Variants in NF1 observed in about 807,000 individuals in gnomAD.
The protein encoded by NF1 is neurofibromin.
Under a neutral mutation model 325.7 loss-of-function variants are expected in NF1, and 122 were observed. That is an observed-to-expected ratio of 0.37 (90% CI 0.32 to 0.44). The LOEUF (loss-of-function observed/expected upper bound fraction) is 0.44. NF1 is among the 20% of genes least tolerant of loss of function. The probability of loss-of-function intolerance (pLI) is 1.00; values close to 1 mark genes in which losing one functional copy is unlikely to be tolerated. For missense variants in NF1, 2,140 were observed against 3,415.4 expected, an observed-to-expected ratio of 0.63 and a Z score of 9.31; for synonymous variants, 1,091 against 1,186.0, an observed-to-expected ratio of 0.92 and a Z score of 1.65.
intron 1 of NF1, among the ~76,000 whole-genome samples, chr17:31,111,850 A>G (rs1490437578): frequency 1.1e-4 from 17 of 152,120 alleles, no homozygotes; most frequent in Admixed American, 1.1e-3. Context: ...GAGTAAATAG[A>G]CAAGACCTAT....
At chr17:31,246,830 A>G (rs1462470129) in intron 29 of NF1, among the ~76,000 whole-genome samples, 1 of 152,188 alleles carries the variant, frequency 6.6e-6, no homozygotes, top group East Asian at 1.9e-4. Context: ...TGAAATTTAA[A>G]CCTAGTAAGT....
intron 36 of NF1, among the ~76,000 whole-genome samples, chr17:31,316,445 G>T (rs945641944): frequency 2.0e-4 from 31 of 152,086 alleles, no homozygotes; most frequent in African/African-American, 7.0e-4. Context: ...TATCCTTGTG[G>T]TAGAAGCTCT....
At chr17:31,148,824 GTTTA>G (rs1460570034) in intron 1 of NF1, among the ~76,000 whole-genome samples, 1 of 151,880 alleles carries the variant, frequency 6.6e-6, no homozygotes, top group Non-Finnish European at 1.5e-5. Flanking sequence ...CAGTTGATTT[GTTTA>G]TTTTTGATTT....
chr17:31,274,109 G>T (rs981934123), intron 36 of NF1, among the ~76,000 whole-genome samples: 11 of 152,110 alleles, frequency 7.2e-5, no homozygotes, highest in African/African-American at 2.7e-4. Context: ...CCTTAGAAAA[G>T]AAGTTAAACT....
At chr17:31,282,175 G>C (rs571927420) in intron 36 of NF1, among the ~76,000 whole-genome samples, 6 of 152,030 alleles carry the variant, frequency 3.9e-5, no homozygotes, top group African/African-American at 1.4e-4. Flanking sequence ...GAGGTCAGGA[G>C]ATCAAGACCA....
At chr17:31,318,126 T>C in intron 36 of NF1, 1 of 700,334 alleles carries the variant, frequency 1.4e-6, no homozygotes, top group South Asian at 2.6e-5. Context: ...AAAACAAAAG[T>C]ACACAGTTTA....
rs778460751 is a variant in NF1 at position 31,305,029 on chromosome 17, G to T, written c.4836-20791G>T. ...TGAATTATAATTGTTTTTTTGTGGG[G>T]TTTGTTTGTTACTGGTAGTATCTAA... is the stretch of plus-strand genomic sequence containing the variant. On this transcript the variant is annotated intron_variant, in intron 36 of 57. Coordinates refer to ENST00000358273, the MANE Select transcript of NF1 (RefSeq NM_001042492.3). The T allele has an allele frequency of 3.1e-6, 5 of 1,614,124 alleles. No individual in the cohort carries two copies. The Admixed American group carries it at 8.3e-5, about 27-fold the overall frequency.
intron 1 of NF1, among the ~76,000 whole-genome samples, chr17:31,142,831 T>C (rs1000812107): frequency 1.3e-5 from 2 of 151,388 alleles, no homozygotes; most frequent in African/African-American, 2.4e-5. Context: ...CGCGCCACTG[T>C]ACTCCAGCCT....
In NF1 at chr17:31,172,588, G is replaced by A. The variant is rs376601482; in HGVS notation, c.586+2591G>A. Among the ~76,000 whole-genome samples the A allele has an allele frequency of 2.7e-3, 404 of 152,112 alleles. 1 individual carries two copies. Among genetic ancestry groups the A allele is most frequent in the Middle Eastern group, 6.8e-3 (2 of 294 alleles). ...ACAATAACCCTGTGACGCAATACTAGTATTAATATTATCATCTCTTGTGTA... is the reference window on the plus strand; with the variant it reads ...ACAATAACCCTGTGACGCAATACTAATATTAATATTATCATCTCTTGTGTA... On this transcript the variant is annotated intron_variant, in intron 5 of 57. Coordinates refer to ENST00000358273, the MANE Select transcript of NF1 (RefSeq NM_001042492.3).
At chr17:31,320,252 C>T in intron 36 of NF1, 1 of 701,018 alleles carries the variant, frequency 1.4e-6, no homozygotes, top group Non-Finnish European at 2.2e-6. Flanking sequence ...CTATATTGTT[C>T]TCCTGAGATT....
intron 8 of NF1, among the ~76,000 whole-genome samples, chr17:31,192,064 G>GT (rs1349359894): frequency 6.6e-6 from 1 of 151,964 alleles, no homozygotes; most frequent in Non-Finnish European, 1.5e-5. Flanking sequence ...TTTGACTATA[G>GT]TATCTTTTTT....
chr17:31,313,387 T>C lies in NF1; in HGVS notation c.4836-12433T>C, dbSNP rs192565170. Among the ~76,000 whole-genome samples the C allele has an allele frequency of 2.1e-3, 325 of 152,274 alleles. 4 individuals are homozygous for C. Among genetic ancestry groups the C allele is most frequent in the Non-Finnish European group, 9.1e-4 (62 of 68,002 alleles). On this transcript the variant is annotated intron_variant, in intron 36 of 57. Coordinates refer to ENST00000358273, the MANE Select transcript of NF1 (RefSeq NM_001042492.3). ...TATCTGCCATGGCTATAGTTTCTTT[T>C]TAATTCTAAAACTAAGGTTAACAAA... is the stretch of plus-strand genomic sequence containing the variant.
chr17:31,256,202 A>G (rs1357165399), intron 31 of NF1, among the ~76,000 whole-genome samples: 1 of 152,142 alleles, frequency 6.6e-6, no homozygotes, highest in African/African-American at 2.4e-5. Context: ...GTGCAGTGGC[A>G]CGATGGCTCA....
intron 1 of NF1, among the ~76,000 whole-genome samples, chr17:31,143,772 A>G (rs1316866994): frequency 6.6e-6 from 1 of 152,036 alleles, no homozygotes; most frequent in Non-Finnish European, 1.5e-5. Context: ...TTAACAGTAT[A>G]TTTCAGTACT....
rs886052785 is a variant in NF1 at position 31,094,988 on chromosome 17, G to A, written c.-322G>A. On this transcript the variant is annotated 5_prime_UTR_variant, in exon 1 of 58. Transcript: ENST00000358273. ...GTGGAAAGGATCCCACTTCCGGTGG[G>A]GTGTCATGGCGGCGTCTCGGACTGT... is the stretch of plus-strand genomic sequence containing the variant. 9 of 536,642 alleles carry A rather than the reference G, an allele frequency of 1.7e-5. No individual in the cohort carries two copies. Among genetic ancestry groups the A allele is most frequent in the East Asian group, 9.8e-5 (3 of 30,634 alleles). The allele number at this position is 536,642 out of a possible 1,614,324, so 33.2% of individuals were successfully genotyped here. A position where few individuals can be genotyped will look rare whatever the true frequency, so the allele number is the denominator to read the frequency against.
chr17:31,347,081 C>G (rs1270831810), intron 48 of NF1, among the ~76,000 whole-genome samples: 2 of 150,510 alleles, frequency 1.3e-5, no homozygotes, highest in South Asian at 2.1e-4. Flanking sequence ...TGGGAATCCT[C>G]AAAAAGCATG....
At chr17:31,314,998 A>G (rs1483681137) in intron 36 of NF1, among the ~76,000 whole-genome samples, 1 of 152,104 alleles carries the variant, frequency 6.6e-6, no homozygotes, top group Non-Finnish European at 1.5e-5. Context: ...AAGCCATTTT[A>G]ACTGGGGTGA....
At chr17:31,204,270 A>G (rs544669415) in intron 11 of NF1, among the ~76,000 whole-genome samples, 12 of 152,244 alleles carry the variant, frequency 7.9e-5, no homozygotes, top group Non-Finnish European at 1.6e-4. Context: ...GATAGTTCAC[A>G]TACTGAAAAT....
chr17:31,223,301 T>TC, intron 15 of NF1, 143 bp from the exon 16 acceptor site: 1 of 964,010 alleles, frequency 1.0e-6, no homozygotes, highest in Non-Finnish European at 1.6e-6. Flanking sequence ...GACACTTTGA[T>TC]AACTGTTTCT....
Sources: allele counts gnomAD v4.1 joint callset (sites outside exome capture counted in the v4.1 genomes callset), GRCh38; gene constraint gnomAD v4.1.1; transcripts MANE v1.5; gene names NCBI Gene and HGNC (gene_info 2026-07-23, HGNC 2026-07-21).